PARP4: variants seen among roughly 807,000 people sequenced by gnomAD.
The protein encoded by PARP4 is protein mono-ADP-ribosyltransferase PARP4.
Under a neutral mutation model 187.7 loss-of-function variants are expected in PARP4, and 120 were observed. The ratio of observed to expected loss-of-function variants is 0.64; its 90% CI spans 0.55 to 0.74. The LOEUF (loss-of-function observed/expected upper bound fraction) is 0.74. Among genes scored for constraint, PARP4 ranks in the 30% least tolerant of loss-of-function variants. The probability of loss-of-function intolerance (pLI) is 0.00; values close to 1 mark genes in which losing one functional copy is unlikely to be tolerated. For synonymous variants in PARP4, 654 were observed against 740.9 expected, an observed-to-expected ratio of 0.88 and a Z score of 1.90; for missense variants, 1,836 against 2,070.5, an observed-to-expected ratio of 0.89 and a Z score of 2.20.
chr13:24,432,007 G>A (rs1451778173), intron 31 of PARP4, among the ~76,000 whole-genome samples: 4 of 152,158 alleles, frequency 2.6e-5, no homozygotes, highest in South Asian at 2.1e-4. Flanking sequence ...GATTACAGGC[G>A]TGAGCCACCA....
At chr13:24,496,938 G>A (rs1328874489) in intron 6 of PARP4, among the ~76,000 whole-genome samples, 4 of 152,000 alleles carry the variant, frequency 2.6e-5, no homozygotes, top group Admixed American at 6.5e-5. Context: ...CACAAGAATC[G>A]CTTGAACCTG....
intron 9 of PARP4, among the ~76,000 whole-genome samples, chr13:24,491,645 A>AG (rs1383160491): frequency 1.3e-5 from 2 of 152,292 alleles, no homozygotes; most frequent in South Asian, 4.1e-4. Flanking sequence ...TGCACAGATG[A>AG]GGGAACACGG....
chr13:24,487,256 C>CA (rs35094936), intron 10 of PARP4, among the ~76,000 whole-genome samples: 2,990 of 110,196 alleles, frequency 0.027, 41 homozygotes, highest in Non-Finnish European at 0.034. Flanking sequence ...AAGGCTCCGT[C>CA]AAAAAAAAAA....
At chr13:24,467,341 T>C (rs1872526101) in intron 17 of PARP4, among the ~76,000 whole-genome samples, 1 of 152,178 alleles carries the variant, frequency 6.6e-6, no homozygotes, top group Non-Finnish European at 1.5e-5. Context: ...TTAAGAGTTA[T>C]AAGACAAATA....
Position 24,434,630 on chromosome 13 carries a change from G to A in PARP4, c.4511C>T (p.Ser1504Leu), listed in dbSNP as rs1420294882. ...TCGACTTCCTTCGAGACTGCCTACT[G>A]ATTCTTCTAGAAGACAGAGATCTAC... ...TPVDLCLLEE[S>L]VGSLEGSRCP... Residue 1504 changes from serine (S) to leucine (L), a missense_variant, in exon 31 of 34, where the codon TCA becomes TTA. Physicochemically the swap from Ser to Leu is moderately radical, Grantham distance 145 (BLOSUM62 -2). Around this residue, in one of 8 missense-constraint regions of PARP4, gnomAD observed 450 missense variants for 439.2 expected, o/e 1.02. Coordinates refer to ENST00000381989, the MANE Select transcript of PARP4 (RefSeq NM_006437.4). The A allele has an allele frequency of 2.5e-6, 4 of 1,612,560 alleles. No individual in the cohort carries two copies. The highest frequency in any genetic ancestry group is 1.1e-5 in the South Asian group (1 of 90,996).
In PARP4 at chr13:24,452,397, G is replaced by A. The variant is rs955635960; in HGVS notation, c.3014+9C>T. 4.4e-6 allele frequency: 7 copies of A among 1,607,534 alleles called. No homozygotes were observed. In the African/African-American group the frequency reaches 5.3e-5, roughly 12 times the overall value. On this transcript the variant is annotated intron_variant, in intron 24 of 33. Coordinates refer to ENST00000381989, the MANE Select transcript of PARP4 (RefSeq NM_006437.4). ...GTCTGGACTATGTGACCAGCTCTCT[G>A]AGACTCACCCGATACCGCAGGCGAA...
At chr13:24,446,610 A>C in intron 27 of PARP4, 71 bp downstream of exon 27, 1 of 1,027,316 alleles carries the variant, frequency 9.7e-7, no homozygotes, top group Admixed American at 1.8e-5. Flanking sequence ...CTTGACATAG[A>C]GCATTATATA....
At chr13:24,462,911 G>T (rs1000775874) in intron 17 of PARP4, among the ~76,000 whole-genome samples, 3 of 152,038 alleles carry the variant, frequency 2.0e-5, no homozygotes, top group African/African-American at 7.2e-5. Context: ...TATCAAATAC[G>T]GTCTAATGTA....
At chr13:24,443,548 C>T in intron 28 of PARP4, 102 bp downstream of exon 28, 1 of 750,190 alleles carries the variant, frequency 1.3e-6, no homozygotes, top group Non-Finnish European at 2.3e-6. Flanking sequence ...CACCAGTCTC[C>T]TTCTCCACGC....
chr13:24,506,412 GC>G (rs1411654113), intron 1 of PARP4, among the ~76,000 whole-genome samples: 2 of 152,260 alleles, frequency 1.3e-5, no homozygotes, highest in African/African-American at 4.8e-5. Flanking sequence ...CCAGCAGGTT[GC>G]CACTGCTAGC....
At chr13:24,437,849 CAA>C (rs1216300092) in intron 30 of PARP4, among the ~76,000 whole-genome samples, 4 of 118,352 alleles carry the variant, frequency 3.4e-5, no homozygotes, top group African/African-American at 1.3e-4. Context: ...GACTCCATCT[CAA>C]AAAAAAAAAA....
chr13:24,469,819 C>CA, intron 16 of PARP4, 75 bp downstream of exon 16: 1 of 1,532,896 alleles, frequency 6.5e-7, no homozygotes, highest in Non-Finnish European at 8.8e-7. Flanking sequence ...ATGGGGACTC[C>CA]AAAAACAAAG....
chr13:24,452,278 C>T, intron 24 of PARP4, 128 bp downstream of exon 24: 4 of 718,228 alleles, frequency 5.6e-6, no homozygotes, highest in South Asian at 2.2e-5. Flanking sequence ...AGCCCGGAGC[C>T]CCATCCCTCT....
chr13:24,461,341 A>G (rs1872206329), intron 17 of PARP4, among the ~76,000 whole-genome samples: 1 of 152,240 alleles, frequency 6.6e-6, no homozygotes, highest in Non-Finnish European at 1.5e-5. Flanking sequence ...CATTTGAGAC[A>G]CTGCCACTTA....
chr13:24,500,360 G>T lies in PARP4; in HGVS notation c.357C>A (p.Cys119Ter). 2 of 1,602,558 alleles carry T rather than the reference G, an allele frequency of 1.2e-6. No individual in the cohort carries two copies. Among genetic ancestry groups the T allele is most frequent in the Non-Finnish European group, 1.7e-6 (2 of 1,173,384 alleles). Reference protein sequence around the residue: ...SSSEVKTEGLCPDSATEEEDT... With the variant: ...SSSEVKTEGL ...CTTCCTCCTCTGTGGCACTGTCCGG[G>T]CATAGACCTTCTGTTTTCACTTCTA... Residue 119 changes from cysteine (C) to a stop codon, truncating the protein, a stop_gained, in exon 4 of 34, where the codon TGC becomes TGA. Transcript: ENST00000381989. LOFTEE classifies it high-confidence loss of function.
intron 33 of PARP4, among the ~76,000 whole-genome samples, chr13:24,422,447 A>G (rs1869792386): frequency 6.6e-6 from 1 of 152,126 alleles, no homozygotes; most frequent in Non-Finnish European, 1.5e-5. Flanking sequence ...GGCTTTGAAT[A>G]TTTTTACTGA....
In PARP4 at chr13:24,454,867, G is replaced by A. The variant is rs1026607674; in HGVS notation, c.2758+150C>T. ...GTACAGCTGGAACCGGGACCTAGGG[G>A]GTCCAGCTCCAGAGCTCTTGTTCTT... On this transcript the variant is annotated intron_variant, in intron 22 of 33. Coordinates refer to ENST00000381989, the MANE Select transcript of PARP4 (RefSeq NM_006437.4). The A allele has an allele frequency of 1.2e-5, 7 of 563,824 alleles. No homozygotes were observed. In the South Asian group the frequency reaches 2.4e-4, roughly 19 times the overall value. 34.9% of individuals were successfully genotyped at this position (563,824 alleles called of 1,614,324 possible).
intron 12 of PARP4, among the ~76,000 whole-genome samples, chr13:24,480,883 A>G (rs924756591): frequency 1.3e-5 from 2 of 152,278 alleles, no homozygotes; most frequent in African/African-American, 4.8e-5. Flanking sequence ...AGCTAAGATC[A>G]TTGATGCAGG....
chr13:24,461,773 G>T (rs970083803), intron 17 of PARP4, among the ~76,000 whole-genome samples: 4 of 152,162 alleles, frequency 2.6e-5, no homozygotes, highest in African/African-American at 9.7e-5. Context: ...GCTGCTGGGG[G>T]AAGGGCAGCA....
Sources: gnomAD v4.1 joint callset for allele counts (sites outside exome capture counted in the v4.1 genomes callset) on GRCh38, gnomAD v4.1.1 for gene constraint, gnomAD v4.1.1 regional missense constraint, MANE v1.5 for transcripts, NCBI Gene and HGNC (gene_info 2026-07-23, HGNC 2026-07-21) for gene names.